The following SECISBP2 variants were observed in gnomAD, a reference collection of about 807,000 sequenced individuals.
SECISBP2 encodes selenocysteine insertion sequence-binding protein 2.
Under a neutral mutation model 98.2 loss-of-function variants are expected in SECISBP2, and 96 were observed. The ratio of observed to expected loss-of-function variants is 0.98; its 90% CI spans 0.83 to 1.16. The LOEUF (loss-of-function observed/expected upper bound fraction) is 1.16. SECISBP2 is among the 50% of genes most tolerant of loss of function. The probability of loss-of-function intolerance (pLI) is 0.00; values close to 1 mark genes in which losing one functional copy is unlikely to be tolerated. For synonymous variants in SECISBP2, 407 were observed against 370.2 expected, an observed-to-expected ratio of 1.10 and a Z score of -1.14; for missense variants, 1,046 against 1,022.9, an observed-to-expected ratio of 1.02 and a Z score of -0.31.
downstream of SECISBP2, among the ~76,000 whole-genome samples, chr9:89,360,015 A>G (rs1241994182): frequency 1.3e-5 from 2 of 152,204 alleles, no homozygotes; most frequent in African/African-American, 2.4e-5. Flanking sequence ...AGCACATAAA[A>G]TTGGAATAGT....
chr9:89,331,667 T>C (rs1827777552), intron 5 of SECISBP2, among the ~76,000 whole-genome samples: 1 of 152,226 alleles, frequency 6.6e-6, no homozygotes, highest in South Asian at 2.1e-4. Flanking sequence ...CATTGCAGGC[T>C]TACATTTGTT....
chr9:89,349,967 T>C (rs1831022753), intron 13 of SECISBP2, 38 bp downstream of exon 13: 1 of 1,612,574 alleles, frequency 6.2e-7, no homozygotes, highest in South Asian at 1.1e-5. Context: ...TAGGGGAAGA[T>C]GGAAGTGCTT....
chr9:89,357,917 T>G, intron 15 of SECISBP2, 82 bp from the exon 16 acceptor site: 1 of 1,421,014 alleles, frequency 7.0e-7, no homozygotes, highest in Non-Finnish European at 9.8e-7. Context: ...TGCTTCTCTG[T>G]GGAGGTGGCC....
chr9:89,319,906 G>T, intron 2 of SECISBP2, 109 bp downstream of exon 2: 1 of 1,162,574 alleles, frequency 8.6e-7, no homozygotes. Flanking sequence ...CAGATGATGA[G>T]AGAATGCTCT....
intron 14 of SECISBP2, among the ~76,000 whole-genome samples, chr9:89,352,760 C>G (rs73502341): frequency 0.013 from 2,004 of 151,326 alleles, 36 homozygotes; most frequent in African/African-American, 0.045. Flanking sequence ...TCAACCATAT[C>G]TTGTAAAATT....
At chr9:89,352,705 T>C (rs1056862443) in intron 14 of SECISBP2, among the ~76,000 whole-genome samples, 14 of 152,340 alleles carry the variant, frequency 9.2e-5, no homozygotes, top group African/African-American at 3.4e-4. Context: ...TGTTTCCTGC[T>C]TCTTTTTATC....
downstream of SECISBP2, among the ~76,000 whole-genome samples, chr9:89,362,879 G>A (rs1370402056): frequency 1.3e-5 from 2 of 152,178 alleles, no homozygotes; most frequent in African/African-American, 2.4e-5. Flanking sequence ...TTTAGGAGCC[G>A]GGGCTGGACA....
intron 9 of SECISBP2, among the ~76,000 whole-genome samples, 163 bp from the exon 10 acceptor site, chr9:89,341,184 G>C (rs914415379): frequency 6.6e-6 from 1 of 152,192 alleles, no homozygotes; most frequent in Non-Finnish European, 1.5e-5. Context: ...AATACTGGCA[G>C]ATAATGTGGG....
At chr9:89,333,177 T>C (rs1055441248) in intron 6 of SECISBP2, among the ~76,000 whole-genome samples, 191 bp downstream of exon 6, 2 of 152,176 alleles carry the variant, frequency 1.3e-5, no homozygotes, top group Non-Finnish European at 2.9e-5. Context: ...ACAAAGAGTA[T>C]AAAATAAGAG....
intron 5 of SECISBP2, among the ~76,000 whole-genome samples, chr9:89,331,325 A>G (rs1587889192): frequency 6.6e-6 from 1 of 152,318 alleles, no homozygotes; most frequent in East Asian, 1.9e-4. Flanking sequence ...TGAACAGGTA[A>G]GCTATTTCTA....
intron 5 of SECISBP2, among the ~76,000 whole-genome samples, chr9:89,332,284 T>C (rs992918778): frequency 2.0e-4 from 30 of 152,168 alleles, no homozygotes; most frequent in African/African-American, 7.0e-4. Flanking sequence ...GCTAGAGTAA[T>C]GCATTTGTTA....
chr9:89,346,997 A>G lies in SECISBP2; in HGVS notation c.1551A>G (p.Lys517=). The G allele has an allele frequency of 6.2e-7, 1 of 1,614,222 alleles. No individual in the cohort carries two copies. The highest frequency in any genetic ancestry group is 1.1e-5 in the South Asian group (1 of 91,084). Residue 517 remains lysine, a synonymous_variant, in exon 11 of 17, where the codon AAA becomes AAG. Transcript: ENST00000375807. Reference sequence around the variant, plus strand: ...ACTCCAGCGCCCCACTGATGAAGAAAGGGAAGCAGAGGGAGATCCCCAAGG... The same window carrying G: ...ACTCCAGCGCCCCACTGATGAAGAAGGGGAAGCAGAGGGAGATCCCCAAGG... ...PLDSSAPLMK[K]GKQREIPKAK...
At chr9:89,349,647 C>A in intron 12 of SECISBP2, 129 bp from the exon 13 acceptor site, 1 of 992,392 alleles carries the variant, frequency 1.0e-6, no homozygotes, top group Non-Finnish European at 1.6e-6. Context: ...AACCTCTCTG[C>A]ATGTTGTCTG....
chr9:89,327,488 A>G (rs1826939932), intron 4 of SECISBP2, among the ~76,000 whole-genome samples: 1 of 152,232 alleles, frequency 6.6e-6, no homozygotes, highest in South Asian at 2.1e-4. Context: ...AGAAAAACCA[A>G]AAATACTTGG....
intron 6 of SECISBP2, among the ~76,000 whole-genome samples, chr9:89,333,217 A>T (rs1470993722): frequency 1.3e-5 from 2 of 152,206 alleles, no homozygotes; most frequent in Non-Finnish European, 2.9e-5. Flanking sequence ...TACACATCCA[A>T]TTCAGTGAGA....
At chr9:89,342,892 TAAA>T (rs751251750) in intron 10 of SECISBP2, among the ~76,000 whole-genome samples, 1 of 152,230 alleles carries the variant, frequency 6.6e-6, no homozygotes, top group Non-Finnish European at 1.5e-5. Flanking sequence ...ATTGTGCACT[TAAA>T]AACAGTTAAA....
chr9:89,344,223 G>A (rs1402919311), intron 10 of SECISBP2, among the ~76,000 whole-genome samples: 3 of 152,078 alleles, frequency 2.0e-5, no homozygotes, highest in East Asian at 3.8e-4. Context: ...ACCTTTGTCC[G>A]ATGGATAGAT....
intron 16 of SECISBP2, 136 bp from the exon 17 acceptor site, chr9:89,358,585 C>CT: frequency 1.4e-6 from 1 of 723,950 alleles, no homozygotes; most frequent in South Asian, 1.5e-5. Context: ...GAGTGAATGT[C>CT]TGCCAGGGCA....
Position 89,334,710 on chromosome 9 carries a change from A to G in SECISBP2, c.1069A>G (p.Ile357Val). The change falls in exon 7 of 17, where the codon ATT (isoleucine) becomes GTT (valine). Residue 357 changes from isoleucine (I) to valine (V), a missense_variant. Coordinates refer to ENST00000375807, the MANE Select transcript of SECISBP2 (RefSeq NM_024077.5). ...TCCTTCCTACAACAAAGAAAAACAC[A>G]TTATTCATCCTACCCAAAAGGTACG... The part of the protein sequence containing the change: ...SDPSYNKEKH[I>V]IHPTQKSKAS... 6.2e-7 allele frequency: 1 copy of G among 1,613,398 alleles called. No homozygotes were observed. The highest frequency in any genetic ancestry group is 1.7e-4 in the Middle Eastern group (1 of 5,780).
Sources: allele counts gnomAD v4.1 joint callset (sites outside exome capture counted in the v4.1 genomes callset), GRCh38; gene constraint gnomAD v4.1.1; transcripts MANE v1.5; gene names NCBI Gene and HGNC (gene_info 2026-07-23, HGNC 2026-07-21).